The following EDA variants were observed in gnomAD, a reference collection of about 807,000 sequenced individuals.
EDA encodes ectodysplasin-A.
A neutral mutation model predicts 23.6 loss-of-function variants in EDA; 2 were observed. The observed-to-expected ratio is 0.08, with a 90% CI of 0.03 to 0.27. The LOEUF is 0.27. EDA is among the 10% of genes least tolerant of loss of function. EDA has a pLI of 1.00. For missense variants in EDA, 229 were observed against 324.2 expected, an observed-to-expected ratio of 0.71 and a Z score of 2.26; for synonymous variants, 131 against 132.0, an observed-to-expected ratio of 0.99 and a Z score of 0.05.
At chrX:69,806,566 A>G (rs2015821188) in intron 1 of EDA, among the ~76,000 whole-genome samples, 1 of 111,374 alleles carries the variant, frequency 9.0e-6, no homozygotes, top group African/African-American at 3.3e-5. Context: ...TGGAGCATAC[A>G]ATAATTTAGT....
At position 70,030,369 on chromosome X, in the gene EDA, A is replaced by G. The variant is rs1277542864; in HGVS notation, c.742-100A>G. Reference sequence around the variant, plus strand: ...AGGGGAGAGGGATCAGAATTGGATTACAATAGAAGACTAGAAACCAGGATG... The same window carrying G: ...AGGGGAGAGGGATCAGAATTGGATTGCAATAGAAGACTAGAAACCAGGATG... On this transcript the variant is annotated intron_variant, in intron 5 of 7. Coordinates refer to ENST00000374552, the MANE Select transcript of EDA (RefSeq NM_001399.5). The G allele has an allele frequency of 9.6e-6, 7 of 729,117 alleles. No individual in the cohort carries two copies. The East Asian group carries it at 2.4e-4, about 25-fold the overall frequency. The allele number at this position is 729,117 out of a possible 1,213,427, so 60.1% of individuals were successfully genotyped here.
At chrX:69,684,578 AACTC>A (rs1219660566) in intron 1 of EDA, among the ~76,000 whole-genome samples, 2 of 111,920 alleles carry the variant, frequency 1.8e-5, no homozygotes, top group East Asian at 2.8e-4. Flanking sequence ...CAACTCGACT[AACTC>A]CTTCCTGAGT....
chrX:69,872,077 G>A (rs752276657), intron 1 of EDA, among the ~76,000 whole-genome samples: 1 of 111,949 alleles, frequency 8.9e-6, no homozygotes, highest in East Asian at 2.8e-4. Flanking sequence ...AGGTAGAGGG[G>A]ATTGGGGTCC....
At chrX:69,858,859 C>T (rs1486627052) in intron 1 of EDA, among the ~76,000 whole-genome samples, 1 of 111,121 alleles carries the variant, frequency 9.0e-6, no homozygotes, top group African/African-American at 3.3e-5. Context: ...TCTCTCTGGT[C>T]CTGGGCTTTT....
At chrX:69,797,835 A>T (rs1479326437) in intron 1 of EDA, among the ~76,000 whole-genome samples, 2 of 112,193 alleles carry the variant, frequency 1.8e-5, no homozygotes, top group African/African-American at 6.5e-5. Context: ...ACTTGAATGT[A>T]AATGTATTAA....
intron 1 of EDA, among the ~76,000 whole-genome samples, chrX:69,842,978 G>A (rs944445085): frequency 9.0e-6 from 1 of 111,648 alleles, no homozygotes; most frequent in Admixed American, 9.5e-5. Flanking sequence ...ATGAGCCAAC[G>A]AAACCTCTTT....
chrX:69,685,629 CTT>C (rs1934515149), intron 1 of EDA, among the ~76,000 whole-genome samples: 2 of 111,895 alleles, frequency 1.8e-5, no homozygotes, highest in South Asian at 7.4e-4. Flanking sequence ...AAGAATTTTT[CTT>C]TCTTTTAAAG....
chrX:69,707,030 TAAA>T (rs1450006382), intron 1 of EDA, among the ~76,000 whole-genome samples: 1 of 111,297 alleles, frequency 9.0e-6, no homozygotes, highest in Non-Finnish European at 1.9e-5. Flanking sequence ...GAGAGAAAGA[TAAA>T]GAACAGTCAG....
intron 2 of EDA, among the ~76,000 whole-genome samples, chrX:69,963,054 T>C (rs1213588479): frequency 8.9e-6 from 1 of 111,832 alleles, no homozygotes; most frequent in Non-Finnish European, 1.9e-5. Context: ...TTTGTTAGTA[T>C]TTCAGAAATT....
chrX:69,683,166 A>C (rs1003830693), intron 1 of EDA, among the ~76,000 whole-genome samples: 2 of 111,266 alleles, frequency 1.8e-5, no homozygotes, highest in African/African-American at 6.5e-5. Flanking sequence ...CCAACATGTT[A>C]AGTACTCTAA....
intron 1 of EDA, among the ~76,000 whole-genome samples, chrX:69,627,926 C>T (rs756006023): frequency 9.0e-6 from 1 of 111,426 alleles, no homozygotes; most frequent in Non-Finnish European, 1.9e-5. Context: ...CTTGTGGCTT[C>T]CTGGTGACTT....
At chrX:70,017,368 A>G (rs2019966034) in intron 2 of EDA, among the ~76,000 whole-genome samples, 2 of 112,021 alleles carry the variant, frequency 1.8e-5, no homozygotes, top group Non-Finnish European at 1.9e-5. Context: ...TGAGGCCAGC[A>G]TCATCCTGCT....
Position 70,033,381 on chromosome X carries a change from C to T in EDA, c.794-17C>T. ...ATTCTGACATGTACTGAGTGACTGCCCTTCTCTCATACTGAGATCTTTCAG... is the reference window on the plus strand; with the variant it reads ...ATTCTGACATGTACTGAGTGACTGCTCTTCTCTCATACTGAGATCTTTCAG... On this transcript the variant is annotated splice_polypyrimidine_tract_variant and intron_variant, in intron 6 of 7. Transcript: ENST00000374552. The T allele has an allele frequency of 1.7e-6, 2 of 1,211,467 alleles. No individual in the cohort carries two copies. The highest frequency in any genetic ancestry group is 2.2e-6 in the Non-Finnish European group (2 of 895,221).
intron 1 of EDA, among the ~76,000 whole-genome samples, chrX:69,833,499 C>CT (rs1403716826): frequency 1.7e-3 from 147 of 87,991 alleles, no homozygotes; most frequent in South Asian, 3.3e-3. Flanking sequence ...CTAAAATTCT[C>CT]TTTTTTTTTT....
intron 1 of EDA, among the ~76,000 whole-genome samples, chrX:69,834,880 C>T (rs2147549167): frequency 9.0e-6 from 1 of 111,602 alleles, no homozygotes; most frequent in Admixed American, 9.6e-5. Flanking sequence ...TTTAGTGTTT[C>T]CTTCAGGAGC....
chrX:69,910,574 A>G (rs1257663099), intron 1 of EDA, among the ~76,000 whole-genome samples: 1 of 110,006 alleles, frequency 9.1e-6, no homozygotes, highest in African/African-American at 3.3e-5. Context: ...TTTCAATTAC[A>G]TATGTGTTTG....
chrX:69,927,282 G>A (rs965354262), intron 1 of EDA, among the ~76,000 whole-genome samples: 27 of 111,294 alleles, frequency 2.4e-4, no homozygotes, highest in Non-Finnish European at 5.1e-4. Context: ...TTTTTGCAGT[G>A]GCTGGTACTG....
chrX:69,827,733 T>C (rs1000308379), intron 1 of EDA, among the ~76,000 whole-genome samples: 1 of 112,297 alleles, frequency 8.9e-6, no homozygotes, highest in African/African-American at 3.2e-5. Flanking sequence ...CTTTGTTCCA[T>C]TGCTAGTGAG....
At chrX:69,809,790 C>G (rs12395245) in intron 1 of EDA, among the ~76,000 whole-genome samples, 28,656 of 110,200 alleles carry the variant, frequency 0.26, 2,810 homozygotes, top group African/African-American at 0.31. Flanking sequence ...TTTGGTGCAT[C>G]TTGGTAGATG....
Sources: allele counts gnomAD v4.1 joint callset (sites outside exome capture counted in the v4.1 genomes callset), GRCh38; gene constraint gnomAD v4.1.1; transcripts MANE v1.5; gene names NCBI Gene and HGNC (gene_info 2026-07-23, HGNC 2026-07-21).